TF: variants seen among roughly 807,000 people sequenced by gnomAD.
The protein encoded by TF is serotransferrin.
In TF, 55 loss-of-function variants were observed where a neutral mutation model predicts 82.4. The observed-to-expected ratio is 0.67, with a 90% CI of 0.54 to 0.84. The LOEUF (loss-of-function observed/expected upper bound fraction) is 0.84, where lower values mean the gene tolerates loss of function less well. TF is among the 40% of genes least tolerant of loss of function. TF has a pLI of 0.00. For synonymous variants in TF, 332 were observed against 332.6 expected (o/e 1.00, Z 0.02); for missense variants, 737 against 868.4 (o/e 0.85, Z 1.90).
At chr3:133,720,705 G>A in the TF span, among the ~76,000 whole-genome samples, 2 of 152,214 alleles carry the variant, frequency 1.3e-5, no homozygotes, top group East Asian at 3.9e-4. Context: ...GTGGAATTTA[G>A]CAGTGAAGCC....
chr3:133,757,670 T>C (rs1933873437), intron 7 of TF, 99 bp from the exon 8 acceptor site: 2 of 1,240,694 alleles, frequency 1.6e-6, no homozygotes, highest in African/African-American at 3.0e-5. Context: ...TTGAACTTTT[T>C]CATGTTGTTT....
chr3:133,685,355 A>G, the TF span, among the ~76,000 whole-genome samples: 1 of 152,238 alleles, frequency 6.6e-6, no homozygotes, highest in Non-Finnish European at 1.5e-5. Flanking sequence ...TGGACAGGGC[A>G]ATCAGGCAGG....
At chr3:133,673,772 T>G in the TF span, among the ~76,000 whole-genome samples, 1 of 152,234 alleles carries the variant, frequency 6.6e-6, no homozygotes, top group Non-Finnish European at 1.5e-5. Flanking sequence ...TGTGTTCATT[T>G]GATGATAATT....
chr3:133,692,955 T>A, the TF span: 1 of 152,990 alleles, frequency 6.5e-6, no homozygotes, highest in African/African-American at 2.4e-5. Flanking sequence ...TGGGGCTGGG[T>A]GTGCCCAGGC....
chr3:133,756,489 T>G, intron 6 of TF, 152 bp downstream of exon 6: 1 of 907,296 alleles, frequency 1.1e-6, no homozygotes, highest in Non-Finnish European at 1.8e-6. Flanking sequence ...GTTAGGTACC[T>G]ACGGGGTCCC....
the TF span, among the ~76,000 whole-genome samples, chr3:133,669,336 G>T: frequency 6.6e-6 from 1 of 152,074 alleles, no homozygotes; most frequent in Non-Finnish European, 1.5e-5. Context: ...TTCTTTACTT[G>T]TCAAATAAAA....
the TF span, among the ~76,000 whole-genome samples, chr3:133,710,888 A>T: frequency 6.6e-6 from 1 of 151,520 alleles, no homozygotes; most frequent in African/African-American, 2.4e-5. Flanking sequence ...CTCCCCTTCC[A>T]CTCACTCTTC....
At chr3:133,748,319 G>A (rs1933561945) in intron 1 of TF, 93 bp from the exon 2 acceptor site, 8 of 1,459,390 alleles carry the variant, frequency 5.5e-6, no homozygotes, top group South Asian at 1.2e-5. Context: ...ACAGGACTGA[G>A]GGGATGTGGC....
the TF span, among the ~76,000 whole-genome samples, chr3:133,698,115 T>C: frequency 2.6e-3 from 401 of 152,330 alleles, 2 homozygotes; most frequent in African/African-American, 9.2e-3. Flanking sequence ...TACCAAATTC[T>C]TTTTGCTTAA....
chr3:133,706,364 G>A, the TF span, among the ~76,000 whole-genome samples: 1 of 152,170 alleles, frequency 6.6e-6, no homozygotes, highest in Admixed American at 6.5e-5. Context: ...TAGAGTAGAA[G>A]ACCACCACTA....
chr3:133,671,334 T>C, the TF span, among the ~76,000 whole-genome samples: 1 of 152,110 alleles, frequency 6.6e-6, no homozygotes, highest in African/African-American at 2.4e-5. Flanking sequence ...GAATAAGAAA[T>C]CACAATAAAA....
intron 1 of TF, 31 bp downstream of exon 1, chr3:133,746,514 G>A (rs1410579577): frequency 1.3e-6 from 2 of 1,583,262 alleles, no homozygotes; most frequent in East Asian, 2.3e-5. Flanking sequence ...GCACCGCAGA[G>A]TCGCTGGCCC....
In TF at chr3:133,757,943, A is replaced by T; in HGVS notation, c.1045A>T (p.Thr349Ser). The change falls in exon 8 of 17, where the codon ACA (threonine) becomes TCA (serine). Residue 349 changes from threonine to serine, a missense_variant. By Grantham distance (58) the Thr-to-Ser change is moderately conservative. Coordinates refer to ENST00000402696, the MANE Select transcript of TF (RefSeq NM_001063.4). ...TGCCATCCGGAATCTACGGGAAGGC[A>T]CATGTGAGTACCTGGGAAGAACCAG... ...VTAIRNLREG[T>S]CPEAPTDECK... 1 of 1,614,124 alleles carries T rather than the reference A, an allele frequency of 6.2e-7. No homozygotes were observed. Among genetic ancestry groups the T allele is most frequent in the South Asian group, 1.1e-5 (1 of 91,076 alleles).
Position 133,795,097 on chromosome 3 carries a change from C to CA in TF, c.*16477_*16478insA, listed in dbSNP as rs1269339119. 2.0e-5 allele frequency: 3 copies of CA among 152,184 alleles called. No individual in the cohort carries two copies. The highest frequency in any genetic ancestry group is 2.1e-4 in the South Asian group (1 of 4,818). The allele number at this position is 152,184 out of a possible 1,614,324, so 9.4% of individuals were successfully genotyped here. On this transcript the variant is annotated 3_prime_UTR_variant, in exon 17 of 17. Coordinates refer to ENST00000402696, the MANE Select transcript of TF (RefSeq NM_001063.4). Reference sequence around the variant, plus strand: ...TAGAGTTGGCTAAACAGAAGAGTATCTGTGCAGCTGCTGGCACTCATGGCC... The same window carrying CA: ...TAGAGTTGGCTAAACAGAAGAGTATCATGTGCAGCTGCTGGCACTCATGGCC...
At position 133,754,627 on chromosome 3, in the gene TF, T is replaced by C; in HGVS notation, c.458T>C (p.Leu153Ser). 6.2e-7 allele frequency: 1 copy of C among 1,614,194 alleles called. No individual in the cohort carries two copies. Among genetic ancestry groups the C allele is most frequent in the Non-Finnish European group, 8.5e-7 (1 of 1,180,024 alleles). ...GCTGGGTGGAACATCCCCATAGGCTTACTTTACTGTGACTTACCTGAGCCA... is the reference window on the plus strand; with the variant it reads ...GCTGGGTGGAACATCCCCATAGGCTCACTTTACTGTGACTTACCTGAGCCA... ...RSAGWNIPIG[L>S]LYCDLPEPRK... The change falls in exon 4 of 17, where the codon TTA (leucine) becomes TCA (serine). Residue 153 changes from leucine (L) to serine (S), a missense_variant. Transcript: ENST00000402696.
the TF span, among the ~76,000 whole-genome samples, chr3:133,684,899 A>C: frequency 6.6e-6 from 1 of 152,132 alleles, no homozygotes; most frequent in Non-Finnish European, 1.5e-5. Flanking sequence ...AAGACACAAC[A>C]AAAAAAGAGA....
chr3:133,749,982 C>G (rs952696241), intron 2 of TF, among the ~76,000 whole-genome samples: 1 of 152,186 alleles, frequency 6.6e-6, no homozygotes, highest in Non-Finnish European at 1.5e-5. Flanking sequence ...TGGCAGTTCT[C>G]TCGATTAGGA....
chr3:133,790,741 A>G lies in TF; in HGVS notation c.*12121A>G, dbSNP rs1373634147. 1.3e-5 allele frequency: 2 copies of G among 152,178 alleles called. No individual in the cohort carries two copies. The highest frequency in any genetic ancestry group is 2.4e-5 in the African/African-American group (1 of 41,436). 9.4% of individuals were successfully genotyped at this position (152,178 alleles called of 1,614,324 possible). A position where few individuals can be genotyped will look rare whatever the true frequency, so the allele number is the denominator to read the frequency against. On this transcript the variant is annotated 3_prime_UTR_variant, in exon 17 of 17. Coordinates refer to ENST00000402696, the MANE Select transcript of TF (RefSeq NM_001063.4). ...CACATACATGCTTGCATTGCTTCAC[A>G]CTGTTTACTGTTTTGTGTGGATAGT...
At chr3:133,771,757 A>AC (rs1048729219) in intron 14 of TF, among the ~76,000 whole-genome samples, 1 of 149,832 alleles carries the variant, frequency 6.7e-6, no homozygotes, top group African/African-American at 2.5e-5. Context: ...AAAAAAAAAA[A>AC]AAAAAAAAAG....
Sources: gnomAD v4.1 joint callset for allele counts (sites outside exome capture counted in the v4.1 genomes callset) on GRCh38, gnomAD v4.1.1 for gene constraint, MANE v1.5 for transcripts, NCBI Gene and HGNC (gene_info 2026-07-23, HGNC 2026-07-21) for gene names.